USH1C: variants seen among roughly 807,000 people sequenced by gnomAD.
USH1C encodes USH1 protein network component harmonin.
Under a neutral mutation model 119.3 loss-of-function variants are expected in USH1C, and 90 were observed. The observed-to-expected ratio is 0.75, with a 90% CI of 0.64 to 0.90. USH1C has a LOEUF of 0.90. Ranked by LOEUF, USH1C falls within the 40% of genes least tolerant of loss-of-function variation. USH1C has a pLI of 0.00. For synonymous variants in USH1C, 465 were observed against 443.3 expected, an observed-to-expected ratio of 1.05 and a Z score of -0.62; for missense variants, 1,165 against 1,167.7, an observed-to-expected ratio of 1.00 and a Z score of 0.03.
At chr11:17,514,797 C>CTTCT (rs1565040294) in intron 15 of USH1C, among the ~76,000 whole-genome samples, 1 of 138,936 alleles carries the variant, frequency 7.2e-6, no homozygotes, top group Non-Finnish European at 1.6e-5. Context: ...AGAAGCAATT[C>CTTCT]TTTTTTTTTT....
chr11:17,513,267 G>T (rs1849975103), intron 15 of USH1C, among the ~76,000 whole-genome samples: 1 of 152,144 alleles, frequency 6.6e-6, no homozygotes, highest in Non-Finnish European at 1.5e-5. Flanking sequence ...TCAGGAGAGG[G>T]GCAGCAGAGA....
intron 2 of USH1C, among the ~76,000 whole-genome samples, chr11:17,532,387 T>C (rs1255238633): frequency 2.0e-5 from 3 of 152,228 alleles, no homozygotes; most frequent in African/African-American, 7.2e-5. Context: ...AGCCTTGACC[T>C]CCTGGGTTCA....
chr11:17,544,371 G>A lies in USH1C; in HGVS notation c.-64C>T. 3.7e-6 allele frequency: 6 copies of A among 1,611,094 alleles called. No homozygotes were observed. The highest frequency in any genetic ancestry group is 1.7e-5 in the Admixed American group (1 of 59,918). On this transcript the variant is annotated 5_prime_UTR_variant, in exon 1 of 27. Transcript: ENST00000005226. Reference sequence around the variant, plus strand: ...TCCTTCGGGTGCCCGGCTGCCAGGAGCTGGAAAGAGCCGCGACCGCGACCG... The same window carrying A: ...TCCTTCGGGTGCCCGGCTGCCAGGAACTGGAAAGAGCCGCGACCGCGACCG...
Position 17,509,601 on chromosome 11 carries a change from C to G in USH1C, c.1768G>C (p.Ala590Pro). Residue 590 changes from alanine to proline, a missense_variant, in exon 18 of 27, where the codon GCC becomes CCC. Coordinates refer to ENST00000005226, the MANE Select transcript of USH1C (RefSeq NM_153676.4). Reference sequence around the variant, plus strand: ...CGCTGCACCCATGGAGAGGATGAGGCGCTCACATGGCCAGATAAGGGAAGG... The same window carrying G: ...CGCTGCACCCATGGAGAGGATGAGGGGCTCACATGGCCAGATAAGGGAAGG... ...PVLPLSGHVSASSSPWVQRTP... is the reference protein window; with the variant it reads ...PVLPLSGHVSPSSSPWVQRTP... 1 of 1,596,426 alleles carries G rather than the reference C, an allele frequency of 6.3e-7. No homozygotes were observed.
Position 17,509,739 on chromosome 11 carries a change from C to T in USH1C, c.1630G>A (p.Asp544Asn), listed in dbSNP as rs1338156568. Reference protein sequence around the residue: ...GGLHLHTTDLDDIPLDMFYYP... With the variant: ...GGLHLHTTDLNDIPLDMFYYP... ...TAGAACATGTCCAAAGGGATGTCGT[C>T]CAGGTCAGTGGTGTGCAGGTGCAGT... Residue 544 changes from aspartate to asparagine, a missense_variant, in exon 18 of 27, where the codon GAC (aspartate) becomes AAC (asparagine). Asp to Asn is a conservative substitution (Grantham distance 23). Transcript: ENST00000005226. The T allele has an allele frequency of 6.2e-7, 1 of 1,601,862 alleles. No homozygotes were observed. Among genetic ancestry groups the T allele is most frequent in the Non-Finnish European group, 8.5e-7 (1 of 1,179,714 alleles).
At chr11:17,540,175 T>C (rs189864228) in intron 1 of USH1C, among the ~76,000 whole-genome samples, 5 of 152,276 alleles carry the variant, frequency 3.3e-5, no homozygotes, top group Admixed American at 6.5e-5. Flanking sequence ...ATGCCTGACA[T>C]GTAAAGCGCT....
rs542044132 is a variant in USH1C at position 17,520,288 on chromosome 11, AG to A, written c.1210+581del. ...GAGATGGTAAGGAGAGTATGAGCTG[AG>A]GCCCCAGGACAGCACAGCCACAGCC... On this transcript the variant is annotated intron_variant, in intron 14 of 26. Coordinates refer to ENST00000005226, the MANE Select transcript of USH1C (RefSeq NM_153676.4). Among the ~76,000 whole-genome samples, 13 of 152,276 alleles carry A rather than the reference AG, an allele frequency of 8.5e-5. No individual in the cohort carries two copies. The South Asian group carries it at 2.5e-3, about 29-fold the overall frequency.
chr11:17,526,849 A>G, intron 6 of USH1C, 39 bp from the exon 7 acceptor site: 1 of 1,593,576 alleles, frequency 6.3e-7, no homozygotes, highest in Non-Finnish European at 8.5e-7. Context: ...GTGGTTAGCG[A>G]GAGACGTTTG....
chr11:17,533,850 A>G, intron 1 of USH1C: 2 of 438,188 alleles, frequency 4.6e-6, no homozygotes, highest in Non-Finnish European at 9.3e-6. Context: ...GGGGACCTTC[A>G]CTCTGTCTTG....
chr11:17,502,183 C>T (rs886154507), intron 20 of USH1C: 2 of 559,374 alleles, frequency 3.6e-6, no homozygotes, highest in Middle Eastern at 4.7e-4. Context: ...AAGCAGGAGG[C>T]TGAGGAAGAC....
At chr11:17,508,854 A>G (rs933574314) in intron 18 of USH1C, among the ~76,000 whole-genome samples, 18 of 152,274 alleles carry the variant, frequency 1.2e-4, no homozygotes, top group Admixed American at 1.1e-3. Flanking sequence ...ATGTCCTAAT[A>G]CTGCATTTGA....
rs952399604 is a variant in USH1C, at chr11:17,493,939, G to A, written c.*393C>T. The A allele has an allele frequency of 3.2e-6, 1 of 313,512 alleles. No individual in the cohort carries two copies. Among genetic ancestry groups the A allele is most frequent in the Non-Finnish European group, 6.2e-6 (1 of 161,274 alleles). 19.4% of individuals were successfully genotyped at this position (313,512 alleles called of 1,614,324 possible). A position where few individuals can be genotyped will look rare whatever the true frequency, so the allele number is the denominator to read the frequency against. ...ATTTTATTAATGAGCTCAGAGTAAG[G>A]TTTGGAGTGACAATCCTGGCAGCAA... On this transcript the variant is annotated 3_prime_UTR_variant, in exon 27 of 27. Coordinates refer to ENST00000005226, the MANE Select transcript of USH1C (RefSeq NM_153676.4).
At chr11:17,523,337 G>A in intron 10 of USH1C, 70 bp from the exon 11 acceptor site, 1 of 1,612,892 alleles carries the variant, frequency 6.2e-7, no homozygotes, top group Non-Finnish European at 8.5e-7. Context: ...AGCACAGAAG[G>A]CCCCAGGCTC....
chr11:17,543,717 C>T (rs1851571424), intron 1 of USH1C, among the ~76,000 whole-genome samples: 1 of 152,188 alleles, frequency 6.6e-6, no homozygotes, highest in African/African-American at 2.4e-5. Flanking sequence ...TCCCTTCCTC[C>T]CCACCGCACC....
chr11:17,510,270 G>C lies in USH1C; in HGVS notation c.1530+135C>G, dbSNP rs1339667237. 1.1e-4 allele frequency: 80 copies of C among 725,540 alleles called. 1 individual carries two copies. The highest frequency in any genetic ancestry group is 4.9e-6 in the Non-Finnish European group (2 of 405,942). The allele number at this position is 725,540 out of a possible 1,614,324, so 44.9% of individuals were successfully genotyped here. ...CCTCAAGAGGGGAGTGGGGTGGTAG[G>C]GGTGGGCCTGGACAGTGGATGGGCA... On this transcript the variant is annotated intron_variant, in intron 17 of 26. Transcript: ENST00000005226.
intron 4 of USH1C, among the ~76,000 whole-genome samples, chr11:17,528,604 C>T (rs1850820725): frequency 6.6e-6 from 1 of 152,224 alleles, no homozygotes; most frequent in African/African-American, 2.4e-5. Context: ...AAGCTGGACT[C>T]CCTGTGGGTC....
intron 25 of USH1C, 28 bp from the exon 26 acceptor site, chr11:17,495,705 A>C (rs369872093): frequency 1.2e-6 from 2 of 1,611,668 alleles, no homozygotes; most frequent in Admixed American, 3.3e-5. Context: ...AGCAAGAAAC[A>C]CAAAACAGGC....
intron 1 of USH1C, among the ~76,000 whole-genome samples, chr11:17,534,349 A>T (rs1851141078): frequency 6.6e-6 from 1 of 152,216 alleles, no homozygotes; most frequent in African/African-American, 2.4e-5. Context: ...CACAGAGGGG[A>T]CATGCTGGGC....
chr11:17,533,368 CCCCCA>C, intron 1 of USH1C, 46 bp from the exon 2 acceptor site: 1 of 1,380,368 alleles, frequency 7.2e-7, no homozygotes, highest in Non-Finnish European at 1.0e-6. Flanking sequence ...TCAGCACCCG[CCCCCA>C]TAGCAGACCT....
Sources: gnomAD v4.1 joint callset for allele counts (sites outside exome capture counted in the v4.1 genomes callset) on GRCh38, gnomAD v4.1.1 for gene constraint, MANE v1.5 for transcripts, NCBI Gene and HGNC (gene_info 2026-07-23, HGNC 2026-07-21) for gene names.